The following NHSL1 variants were observed in gnomAD, a reference collection of about 807,000 sequenced individuals.
NHSL1 encodes the protein NHS like 1, also known as NHS-like protein 1.
NHSL1 carries 48 observed loss-of-function variants against 95.0 expected under a neutral mutation model. The observed-to-expected ratio is 0.51, with a 90% CI of 0.40 to 0.64. The LOEUF is 0.64. Among genes scored for constraint, NHSL1 ranks in the 30% least tolerant of loss-of-function variants. The probability of loss-of-function intolerance (pLI) is 0.00; values close to 1 mark genes in which losing one functional copy is unlikely to be tolerated. For synonymous variants in NHSL1, 783 were observed against 833.9 expected (o/e 0.94, Z 1.05); for missense variants, 1,971 against 2,077.7 (o/e 0.95, Z 1.00).
intron 1 of NHSL1, among the ~76,000 whole-genome samples, chr6:138,578,446 T>C (rs966671636): frequency 1.3e-5 from 2 of 152,182 alleles, no homozygotes; most frequent in Non-Finnish European, 2.9e-5. Flanking sequence ...ATGCAACATC[T>C]GTACCAACTT....
At chr6:138,513,232 G>T (rs953812832) in intron 1 of NHSL1, among the ~76,000 whole-genome samples, 2 of 152,132 alleles carry the variant, frequency 1.3e-5, no homozygotes, top group African/African-American at 4.8e-5. Flanking sequence ...AGAGCCTGGC[G>T]AACTTTAAAG....
chr6:138,630,925 A>G (rs1016150261), intron 1 of NHSL1, among the ~76,000 whole-genome samples: 2 of 152,230 alleles, frequency 1.3e-5, no homozygotes, highest in African/African-American at 2.4e-5. Context: ...GAGCACCCAC[A>G]GTACCTGGTT....
intron 1 of NHSL1, among the ~76,000 whole-genome samples, chr6:138,676,134 C>G (rs971104019): frequency 4.6e-5 from 7 of 152,090 alleles, no homozygotes; most frequent in Non-Finnish European, 1.0e-4. Flanking sequence ...AAAATAAATT[C>G]ACATCAGAGA....
chr6:138,613,148 G>A lies in NHSL1; in HGVS notation c.96+79328C>T, dbSNP rs551433608. ...TGGAACGCTGCCTCAAGGTTGGCTG[G>A]TATTATGCTTTTAACTAACTGCAGG... On this transcript the variant is annotated intron_variant, in intron 1 of 3. Transcript: ENST00000491526. Among the ~76,000 whole-genome samples, 16 of 152,298 alleles carry A rather than the reference G, an allele frequency of 1.1e-4. No individual in the cohort carries two copies. The South Asian group carries it at 3.3e-3, about 32-fold the overall frequency.
intron 1 of NHSL1, among the ~76,000 whole-genome samples, chr6:138,689,446 T>C (rs1186398085): frequency 6.6e-6 from 1 of 152,242 alleles, no homozygotes; most frequent in Non-Finnish European, 1.5e-5. Flanking sequence ...TTTTGAGGAA[T>C]GGCAAACTTG....
intron 1 of NHSL1, among the ~76,000 whole-genome samples, chr6:138,690,287 G>C (rs1209806478): frequency 1.3e-5 from 2 of 152,182 alleles, no homozygotes; most frequent in Non-Finnish European, 2.9e-5. Context: ...GTAATGCATA[G>C]GCATTTCACT....
chr6:138,610,021 A>G (rs886749724), intron 1 of NHSL1, among the ~76,000 whole-genome samples: 3 of 152,102 alleles, frequency 2.0e-5, no homozygotes, highest in Non-Finnish European at 2.9e-5. Flanking sequence ...CTGAGGGTTT[A>G]CAGGAAATTC....
intron 1 of NHSL1, among the ~76,000 whole-genome samples, chr6:138,657,066 T>C (rs1030930264): frequency 4.6e-5 from 7 of 152,200 alleles, no homozygotes; most frequent in Non-Finnish European, 1.0e-4. Flanking sequence ...GGTGCTAATT[T>C]TTCCCCATAG....
intron 1 of NHSL1, among the ~76,000 whole-genome samples, chr6:138,516,901 C>T (rs1781483860): frequency 6.6e-6 from 1 of 152,162 alleles, no homozygotes; most frequent in Non-Finnish European, 1.5e-5. Context: ...TCCCAAAGTG[C>T]TGGGATTACA....
intron 1 of NHSL1, among the ~76,000 whole-genome samples, chr6:138,666,525 G>A (rs1785296766): frequency 6.9e-6 from 1 of 144,792 alleles, no homozygotes; most frequent in Admixed American, 7.3e-5. Flanking sequence ...CTGGGAGGTA[G>A]AGCTTGCAGT....
intron 1 of NHSL1, among the ~76,000 whole-genome samples, chr6:138,536,543 T>A (rs927493462): frequency 6.6e-6 from 1 of 151,588 alleles, no homozygotes; most frequent in Non-Finnish European, 1.5e-5. Flanking sequence ...TTTAATCATC[T>A]GCATTCAATC....
intron 1 of NHSL1, among the ~76,000 whole-genome samples, chr6:138,591,634 G>A (rs1484538537): frequency 6.6e-6 from 1 of 152,064 alleles, no homozygotes; most frequent in African/African-American, 2.4e-5. Flanking sequence ...ATCTCCCTGT[G>A]TTTCCCAGGC....
intron 1 of NHSL1, among the ~76,000 whole-genome samples, chr6:138,595,423 A>C (rs928075599): frequency 6.6e-6 from 1 of 152,070 alleles, no homozygotes; most frequent in Non-Finnish European, 1.5e-5. Flanking sequence ...AAAATATTTA[A>C]AAATTAGTTG....
At chr6:138,473,053 A>G (rs1778851421) in intron 3 of NHSL1, among the ~76,000 whole-genome samples, 1 of 152,200 alleles carries the variant, frequency 6.6e-6, no homozygotes, top group Admixed American at 6.5e-5. Context: ...TACCTTTTAA[A>G]AAATTAGGAT....
intron 1 of NHSL1, among the ~76,000 whole-genome samples, chr6:138,676,988 T>C (rs1785457713): frequency 6.6e-6 from 1 of 152,224 alleles, no homozygotes; most frequent in South Asian, 2.1e-4. Flanking sequence ...GTTTCAATCA[T>C]GTTTGACCTC....
chr6:138,512,494 C>T (rs1198923622), intron 1 of NHSL1: 2 of 199,438 alleles, frequency 1.0e-5, no homozygotes, highest in Non-Finnish European at 2.1e-5. Flanking sequence ...ACTCTATATT[C>T]TGAACTTTCT....
At chr6:138,668,109 A>C (rs1785317580) in intron 1 of NHSL1, among the ~76,000 whole-genome samples, 1 of 152,216 alleles carries the variant, frequency 6.6e-6, no homozygotes, top group South Asian at 2.1e-4. Flanking sequence ...CTCCAGGAAC[A>C]TGGGGACCTG....
chr6:138,679,126 T>C (rs1785482307), intron 1 of NHSL1, among the ~76,000 whole-genome samples: 1 of 152,202 alleles, frequency 6.6e-6, no homozygotes, highest in Non-Finnish European at 1.5e-5. Context: ...CAGGAAGAGA[T>C]GCAACAGACC....
intron 2 of NHSL1, among the ~76,000 whole-genome samples, chr6:138,486,000 A>T (rs1779704733): frequency 6.6e-6 from 1 of 152,082 alleles, no homozygotes; most frequent in Non-Finnish European, 1.5e-5. Flanking sequence ...AACAGCCTCG[A>T]TCTCTGGCTC....
Sources: allele counts gnomAD v4.1 joint callset (sites outside exome capture counted in the v4.1 genomes callset), GRCh38; gene constraint gnomAD v4.1.1; transcripts MANE v1.5; gene names NCBI Gene and HGNC (gene_info 2026-07-23, HGNC 2026-07-21).